The following MPP7 variants were observed in gnomAD, a reference collection of about 807,000 sequenced individuals.
The protein encoded by MPP7 is MAGUK p55 subfamily member 7.
In MPP7, 60 loss-of-function variants were observed where a neutral mutation model predicts 76.5. The ratio of observed to expected loss-of-function variants is 0.78; its 90% CI spans 0.64 to 0.97. MPP7 has a LOEUF of 0.97. Ranked by LOEUF, MPP7 falls within the 50% of genes least tolerant of loss-of-function variation. MPP7 has a pLI of 0.00. For synonymous variants in MPP7, 237 were observed against 244.5 expected, an observed-to-expected ratio of 0.97 and a Z score of 0.29; for missense variants, 641 against 694.0, an observed-to-expected ratio of 0.92 and a Z score of 0.86.
chr10:28,202,031 G>A, intron 3 of MPP7, 122 bp downstream of exon 3: 3 of 700,112 alleles, frequency 4.3e-6, no homozygotes, highest in South Asian at 1.8e-5. Flanking sequence ...GCCCGTCGGT[G>A]AATGGAACAA....
At chr10:28,097,850 A>C (rs1412177932) in intron 11 of MPP7, among the ~76,000 whole-genome samples, 1 of 152,190 alleles carries the variant, frequency 6.6e-6, no homozygotes, top group Non-Finnish European at 1.5e-5. Flanking sequence ...CAAAAAACTT[A>C]TTCTCAAATG....
Position 28,303,036 on chromosome 10 carries a change from C to T in MPP7, c.-307G>A, listed in dbSNP as rs1296920774. Among the ~76,000 whole-genome samples the T allele has an allele frequency of 6.7e-6, 1 of 150,140 alleles. No homozygotes were observed. Among genetic ancestry groups the T allele is most frequent in the African/African-American group, 2.4e-5 (1 of 41,330 alleles). On this transcript the variant is annotated 5_prime_UTR_variant, in exon 1 of 17. Coordinates refer to ENST00000683449, the MANE Select transcript of MPP7 (RefSeq NM_001318170.2). ...CGCACGAGCCCAGTGGGAGCCCGGC[C>T]CCCGCCTCCAGCCCGGCTAGTAACC...
At chr10:28,238,511 T>G in intron 2 of MPP7, 57 bp downstream of exon 2, 1 of 1,571,204 alleles carries the variant, frequency 6.4e-7, no homozygotes, top group Non-Finnish European at 8.8e-7. Context: ...TGTATTTCAC[T>G]GTGAACAAGA....
At position 28,330,374 on chromosome 10, in the gene MPP7, C is replaced by G. The variant is rs1177270812; in HGVS notation, c.-205-372G>C. Among the ~76,000 whole-genome samples the G allele has an allele frequency of 2.0e-5, 3 of 152,150 alleles. No homozygotes were observed. The East Asian group carries it at 5.8e-4, about 29-fold the overall frequency. ...AATTCCAAAATGTCTAAAATAGGCTCAAATAGTACACTGTGATCACACCTG... is the reference window on the plus strand; with the variant it reads ...AATTCCAAAATGTCTAAAATAGGCTGAAATAGTACACTGTGATCACACCTG... On this transcript the variant is annotated intron_variant, in intron 1 of 11. Transcript: ENST00000441595.
chr10:28,196,112 C>T (rs1006697885), intron 3 of MPP7, among the ~76,000 whole-genome samples: 2 of 152,182 alleles, frequency 1.3e-5, no homozygotes, highest in Admixed American at 6.5e-5. Context: ...AAGAGGATGT[C>T]CTGCATTTTA....
At chr10:28,327,630 C>T (rs895248253) in intron 2 of MPP7, among the ~76,000 whole-genome samples, 15 of 152,114 alleles carry the variant, frequency 9.9e-5, no homozygotes, top group African/African-American at 3.6e-4. Flanking sequence ...TCCTATTGTT[C>T]CAGCGAGGTT....
chr10:28,181,685 G>A (rs756118112), intron 3 of MPP7, among the ~76,000 whole-genome samples: 4 of 152,146 alleles, frequency 2.6e-5, no homozygotes, highest in Non-Finnish European at 5.9e-5. Context: ...TTGAGGTAAC[G>A]CAGAATAAAC....
intron 1 of MPP7, among the ~76,000 whole-genome samples, chr10:28,243,243 G>GA (rs78751699): frequency 0.09 from 13,637 of 152,100 alleles, 697 homozygotes; most frequent in Non-Finnish European, 0.12. Context: ...GCAAAAATCA[G>GA]AATTTTAAAA....
intron 12 of MPP7, among the ~76,000 whole-genome samples, chr10:28,072,489 C>CA (rs530679371): frequency 6.6e-6 from 1 of 152,098 alleles, no homozygotes; most frequent in Non-Finnish European, 1.5e-5. Context: ...ATTTTGACAT[C>CA]AAAAAAAGTT....
At chr10:28,112,310 A>AT (rs1057146210) in intron 11 of MPP7, among the ~76,000 whole-genome samples, 1 of 152,088 alleles carries the variant, frequency 6.6e-6, no homozygotes, top group Non-Finnish European at 1.5e-5. Context: ...CATAGAGTCT[A>AT]TTTTTTTATA....
intron 3 of MPP7, among the ~76,000 whole-genome samples, chr10:28,198,929 A>C (rs1368234913): frequency 1.3e-5 from 2 of 152,054 alleles, no homozygotes; most frequent in South Asian, 2.1e-4. Context: ...TTTCCATCCC[A>C]CAGATATGTG....
chr10:28,299,366 A>C (rs1390304276), intron 1 of MPP7, among the ~76,000 whole-genome samples: 1 of 152,158 alleles, frequency 6.6e-6, no homozygotes. Context: ...GGGGAGAGGA[A>C]GAGAGTTGGG....
At chr10:28,187,971 G>C (rs1837290416) in intron 3 of MPP7, among the ~76,000 whole-genome samples, 3 of 152,094 alleles carry the variant, frequency 2.0e-5, no homozygotes, top group Admixed American at 2.0e-4. Context: ...CTTCAAACTG[G>C]TTTTTCACTT....
At chr10:28,128,516 G>C (rs1005131085) in intron 6 of MPP7, among the ~76,000 whole-genome samples, 40 of 152,258 alleles carry the variant, frequency 2.6e-4, no homozygotes, top group African/African-American at 9.4e-4. Context: ...CAGGAGTAGA[G>C]GTGATGAAAG....
intron 6 of MPP7, among the ~76,000 whole-genome samples, chr10:28,128,013 C>A (rs1835074186): frequency 6.6e-6 from 1 of 152,030 alleles, no homozygotes; most frequent in South Asian, 2.1e-4. Flanking sequence ...TGGCTGGAGC[C>A]CAGTAGCAGA....
intron 5 of MPP7, among the ~76,000 whole-genome samples, chr10:28,135,487 A>G (rs1308597015): frequency 1.3e-5 from 2 of 152,206 alleles, no homozygotes; most frequent in Admixed American, 6.5e-5. Flanking sequence ...TACTGTATTG[A>G]GGCCAGGGAT....
At chr10:28,149,682 C>G (rs1835815188) in intron 4 of MPP7, among the ~76,000 whole-genome samples, 1 of 151,654 alleles carries the variant, frequency 6.6e-6, no homozygotes, top group Admixed American at 6.6e-5. Flanking sequence ...GTGACTTTCT[C>G]AGAACACCAA....
rs1029085868 is a variant in MPP7, at chr10:28,238,585, C to T, written c.20G>A (p.Gly7Glu). The change falls in exon 2 of 17, where the codon GGA becomes GAA. Residue 7 changes from glycine to glutamate, a missense_variant. Physicochemically the swap from Gly to Glu is moderately conservative, Grantham distance 98. Coordinates refer to ENST00000683449, the MANE Select transcript of MPP7 (RefSeq NM_001318170.2). MPALST[G>E]SGSDTGLYEL... ...TCACATACCAGTGTCACTCCCAGAT[C>T]CCGTTGACAAAGCTGGCATGATGCA... 5.0e-6 allele frequency: 8 copies of T among 1,614,160 alleles called. No homozygotes were observed. Among genetic ancestry groups the T allele is most frequent in the Non-Finnish European group, 6.8e-6 (8 of 1,179,996 alleles).
chr10:28,124,466 ATTTTTTTTTTTTT>A (rs5784042), intron 7 of MPP7, among the ~76,000 whole-genome samples: 4 of 80,092 alleles, frequency 5.0e-5, no homozygotes, highest in South Asian at 1.1e-3. Flanking sequence ...AAGAAACAAG[ATTTTTTTTTTTTT>A]TTTTTTTTTT....
Sources: gnomAD v4.1 joint callset for allele counts (sites outside exome capture counted in the v4.1 genomes callset) on GRCh38, gnomAD v4.1.1 for gene constraint, MANE v1.5 for transcripts, NCBI Gene and HGNC (gene_info 2026-07-23, HGNC 2026-07-21) for gene names.